Variants in RPGRIP1L observed in about 807,000 individuals in gnomAD.
RPGRIP1L encodes protein fantom.
RPGRIP1L carries 131 observed loss-of-function variants against 160.4 expected under a neutral mutation model. That is an observed-to-expected ratio of 0.82 (90% CI 0.71 to 0.94). The LOEUF is 0.94. Ranked by LOEUF, RPGRIP1L falls within the 40% of genes least tolerant of loss-of-function variation. The probability of loss-of-function intolerance (pLI) is 0.00; values close to 1 mark genes in which losing one functional copy is unlikely to be tolerated. For missense variants in RPGRIP1L, 1,522 were observed against 1,535.8 expected (o/e 0.99, Z 0.15); for synonymous variants, 510 against 515.8 (o/e 0.99, Z 0.15).
rs749987648 is a variant in RPGRIP1L, at chr16:53,658,792, G to GT, written c.1329dup (p.Arg444ThrfsTer10). On this transcript the variant is annotated frameshift_variant, in exon 11 of 27. Coordinates refer to ENST00000647211, the MANE Select transcript of RPGRIP1L (RefSeq NM_015272.5). LOFTEE classifies it high-confidence loss of function. ...TTCACCTGGTTGTACAATTTTATGCGTTTTTTAAGTTCATCAAGTTGTTGC... is the reference window on the plus strand; with the variant it reads ...TTCACCTGGTTGTACAATTTTATGCGTTTTTTTAAGTTCATCAAGTTGTTGC... The GT allele has an allele frequency of 3.7e-6, 6 of 1,601,778 alleles. No homozygotes were observed. In the African/African-American group the frequency reaches 5.4e-5, roughly 14 times the overall value.
intron 24 of RPGRIP1L, among the ~76,000 whole-genome samples, chr16:53,617,075 A>C (rs1303323745): frequency 9.3e-6 from 1 of 107,308 alleles, no homozygotes; most frequent in Admixed American, 8.8e-5. Context: ...TTGCATCACA[A>C]AAAAAAAAAA....
chr16:53,664,371 A>C (rs537148194), intron 10 of RPGRIP1L, among the ~76,000 whole-genome samples: 124 of 152,326 alleles, frequency 8.1e-4, no homozygotes, highest in African/African-American at 2.9e-3. Context: ...AAAAACGGCA[A>C]GCTACTATTT....
At position 53,699,382 on chromosome 16, in the gene RPGRIP1L, T is replaced by C. The variant is rs997103769; in HGVS notation, c.85+1257A>G. Among the ~76,000 whole-genome samples, 15 of 45,344 alleles carry C rather than the reference T, an allele frequency of 3.3e-4. No individual in the cohort carries two copies. In the South Asian group the frequency reaches 7.1e-3, roughly 21 times the overall value. 29.7% of individuals were successfully genotyped at this position (45,344 alleles called of 152,430 possible). ...CTCTGTGAGAAACACCCAAGAATGA[T>C]CAATAAAAAAAAAAAAAAAAAAAAA... On this transcript the variant is annotated intron_variant, in intron 2 of 26. Coordinates refer to ENST00000647211, the MANE Select transcript of RPGRIP1L (RefSeq NM_015272.5).
Position 53,622,551 on chromosome 16 carries a change from C to T in RPGRIP1L, c.3295-195G>A, listed in dbSNP as rs538282321. 2.6e-5 allele frequency among the ~76,000 whole-genome samples: 4 copies of T among 152,120 alleles called. No individual in the cohort carries two copies. In the East Asian group the frequency reaches 7.8e-4, roughly 29 times the overall value. On this transcript the variant is annotated intron_variant, in intron 22 of 26. Transcript: ENST00000647211. ...CCCCTACAACCAGAAGACATAGCAG[C>T]ATCCTTGCCTTTCCATTTTTTTCAC...
intron 21 of RPGRIP1L, among the ~76,000 whole-genome samples, chr16:53,637,450 G>A (rs2151034824): frequency 6.6e-6 from 1 of 152,226 alleles, no homozygotes; most frequent in East Asian, 1.9e-4. Context: ...AACATAAATT[G>A]GGAACATGGT....
rs1361359374 is a variant in RPGRIP1L, at chr16:53,600,904, TC to T, written c.*1171del. On this transcript the variant is annotated 3_prime_UTR_variant, in exon 27 of 27. Coordinates refer to ENST00000647211, the MANE Select transcript of RPGRIP1L (RefSeq NM_015272.5). ...GGTAGATTTTAATAAATTACTTATC[TC>T]CCTGAATACTTTACATATGCTTAAG... is the stretch of plus-strand genomic sequence containing the variant. The T allele has an allele frequency of 1.3e-5, 2 of 152,600 alleles. No homozygotes were observed. Among genetic ancestry groups the T allele is most frequent in the Non-Finnish European group, 2.9e-5 (2 of 68,036 alleles). 9.5% of individuals were successfully genotyped at this position (152,600 alleles called of 1,614,324 possible).
chr16:53,695,324 C>A (rs1598417981), intron 3 of RPGRIP1L: 2 of 702,424 alleles, frequency 2.8e-6, no homozygotes, highest in South Asian at 1.5e-5. Context: ...AAGTAAAAGG[C>A]CTGCACATAG....
intron 15 of RPGRIP1L, among the ~76,000 whole-genome samples, chr16:53,651,959 A>T (rs1029253027): frequency 1.5e-4 from 23 of 151,976 alleles, no homozygotes; most frequent in Non-Finnish European, 2.9e-4. Context: ...TTCAATACAT[A>T]AATTAATTTA....
chr16:53,623,874 T>A (rs777466002), intron 22 of RPGRIP1L, among the ~76,000 whole-genome samples: 1 of 152,180 alleles, frequency 6.6e-6, no homozygotes, highest in Admixed American at 6.5e-5. Flanking sequence ...GGAGACTGTG[T>A]ATCTTTTATA....
At chr16:53,667,768 G>C (rs1011474959) in intron 9 of RPGRIP1L, among the ~76,000 whole-genome samples, 3 of 152,130 alleles carry the variant, frequency 2.0e-5, no homozygotes, top group Non-Finnish European at 2.9e-5. Context: ...AGCTACTCAG[G>C]AGGCTGAGAC....
At chr16:53,698,771 G>T (rs1270656914) in intron 2 of RPGRIP1L, among the ~76,000 whole-genome samples, 2 of 149,766 alleles carry the variant, frequency 1.3e-5, no homozygotes, top group African/African-American at 2.5e-5. Flanking sequence ...GAGGTGGGGG[G>T]GTCAGCCCCC....
Position 53,613,103 on chromosome 16 carries a change from T to C in RPGRIP1L, c.3617-2052A>G, listed in dbSNP as rs1964156430. ...GTCAAATTTCATTCCTTCTTAAGGCTGTATAATATTTCATCATATGTATAT... is the reference window on the plus strand; with the variant it reads ...GTCAAATTTCATTCCTTCTTAAGGCCGTATAATATTTCATCATATGTATAT... On this transcript the variant is annotated intron_variant, in intron 24 of 26. Coordinates refer to ENST00000647211, the MANE Select transcript of RPGRIP1L (RefSeq NM_015272.5). Among the ~76,000 whole-genome samples, 4 of 152,338 alleles carry C rather than the reference T, an allele frequency of 2.6e-5. No individual in the cohort carries two copies. The South Asian group carries it at 6.2e-4, about 24-fold the overall frequency.
At position 53,658,817 on chromosome 16, in the gene RPGRIP1L, CT is replaced by C. The variant is rs1567849396; in HGVS notation, c.1304del (p.Lys435SerfsTer11). On this transcript the variant is annotated frameshift_variant, in exon 11 of 27. Coordinates refer to ENST00000647211, the MANE Select transcript of RPGRIP1L (RefSeq NM_015272.5). LOFTEE classifies it high-confidence loss of function. ...GTTTTTTAAGTTCATCAAGTTGTTG[CT>C]TTTGTTCCAGATACTGTAACTGTAG... ...RELQLQYLEQ[K>X]QQLDELKKRI... The C allele has an allele frequency of 6.2e-7, 1 of 1,609,290 alleles. No homozygotes were observed. The highest frequency in any genetic ancestry group is 1.1e-5 in the South Asian group (1 of 90,456).
chr16:53,657,733 A>C (rs1413073336), intron 12 of RPGRIP1L, 101 bp from the exon 13 acceptor site: 2 of 696,088 alleles, frequency 2.9e-6, no homozygotes, highest in Non-Finnish European at 4.7e-6. Flanking sequence ...TGATTGATCA[A>C]TTTTCAATTT....
rs1004953188 is a variant in RPGRIP1L at position 53,645,281 on chromosome 16, T to C, written c.2683+344A>G. On this transcript the variant is annotated intron_variant, in intron 17 of 26. Transcript: ENST00000647211. ...CATTGTACTGTTGGTATATAATACATAGAGATGCATACTATATACATATAT... is the reference window on the plus strand; with the variant it reads ...CATTGTACTGTTGGTATATAATACACAGAGATGCATACTATATACATATAT... Among the ~76,000 whole-genome samples, 67 of 152,058 alleles carry C rather than the reference T, an allele frequency of 4.4e-4. 1 individual carries two copies. Among genetic ancestry groups the C allele is most frequent in the African/African-American group, 1.5e-3 (64 of 41,418 alleles).
intron 24 of RPGRIP1L, among the ~76,000 whole-genome samples, chr16:53,616,421 A>C (rs531265105): frequency 1.3e-5 from 2 of 152,344 alleles, no homozygotes; most frequent in East Asian, 3.9e-4. Flanking sequence ...GCATTCAACC[A>C]GGTTAATATT....
At chr16:53,681,305 CACTT>C (rs1969589460) in intron 6 of RPGRIP1L, among the ~76,000 whole-genome samples, 1 of 152,244 alleles carries the variant, frequency 6.6e-6, no homozygotes, top group African/African-American at 2.4e-5. Context: ...TTTAAAAAAA[CACTT>C]AGTACAAACT....
rs34727957 is a variant in RPGRIP1L, at chr16:53,669,459, GAA to G, written c.1103+2049_1103+2050del. Among the ~76,000 whole-genome samples, 979 of 143,398 alleles carry G rather than the reference GAA, an allele frequency of 6.8e-3. 10 individuals carry two copies. The highest frequency in any genetic ancestry group is 0.023 in the African/African-American group (910 of 39,930). The allele number at this position is 143,398 out of a possible 152,430, so 94.1% of individuals were successfully genotyped here. On this transcript the variant is annotated intron_variant, in intron 9 of 26. Coordinates refer to ENST00000647211, the MANE Select transcript of RPGRIP1L (RefSeq NM_015272.5). Reference sequence around the variant, plus strand: ...AATGTTAGTGCAAGCATAAAACATTGAAAAAAAAAAACCCTTCAAATTTATAC... The same window carrying G: ...AATGTTAGTGCAAGCATAAAACATTGAAAAAAAAACCCTTCAAATTTATAC...
chr16:53,665,100 A>G, intron 9 of RPGRIP1L, 91 bp from the exon 10 acceptor site: 1 of 1,447,270 alleles, frequency 6.9e-7, no homozygotes, highest in Non-Finnish European at 9.5e-7. Context: ...CGCAGAGACC[A>G]CTGTCATCAT....
Sources: gnomAD v4.1 joint callset for allele counts (sites outside exome capture counted in the v4.1 genomes callset) on GRCh38, gnomAD v4.1.1 for gene constraint, MANE v1.5 for transcripts, NCBI Gene and HGNC (gene_info 2026-07-23, HGNC 2026-07-21) for gene names.